POLE: variants seen among roughly 807,000 people sequenced by gnomAD.
POLE encodes the protein DNA polymerase epsilon catalytic subunit A.
In POLE, 188 loss-of-function variants were observed where a neutral mutation model predicts 279.2. The ratio of observed to expected loss-of-function variants is 0.67; its 90% confidence interval spans 0.60 to 0.76. POLE has a LOEUF of 0.76. POLE is among the 30% of genes least tolerant of loss of function. The probability of loss-of-function intolerance (pLI) is 0.00; values close to 1 mark genes in which losing one functional copy is unlikely to be tolerated. For missense variants in POLE, 2,703 were observed against 3,016.7 expected, an observed-to-expected ratio of 0.90 and a Z score of 2.44; for synonymous variants, 1,214 against 1,172.5, an observed-to-expected ratio of 1.04 and a Z score of -0.72.
At chr12:132,673,843 C>T in intron 12 of POLE, 136 bp from the exon 13 acceptor site, 1 of 930,774 alleles carries the variant, frequency 1.1e-6, no homozygotes, top group Non-Finnish European at 1.7e-6. Context: ...CACCAAGGCC[C>T]CACATGGTGT....
rs2138559624 is a variant in POLE at position 132,643,884 on chromosome 12, T to G, written c.4243A>C (p.Asn1415His). The G allele has an allele frequency of 2.5e-6, 4 of 1,614,164 alleles. No homozygotes were observed. In the East Asian group the frequency reaches 8.9e-5, roughly 36 times the overall value. ...DMYQEHINEINAELSAPDIEG... is the reference protein window; with the variant it reads ...DMYQEHINEIHAELSAPDIEG... The stretch of plus-strand genomic sequence containing the variant: ...ATGTCTGGCGCTGACAGCTCAGCGT[T>G]GATCTCGTTGATGTGTTCCTGGTAC... Residue 1415 changes from asparagine to histidine, a missense_variant, in exon 33 of 49, where the codon AAC (asparagine) becomes CAC (histidine). By Grantham distance (68) the Asn-to-His change is moderately conservative. Coordinates refer to ENST00000320574, the MANE Select transcript of POLE (RefSeq NM_006231.4).
Position 132,667,416 on chromosome 12 carries a change from C to G in POLE, c.2319+87G>C. On this transcript the variant is annotated intron_variant, in intron 20 of 48. Coordinates refer to ENST00000320574, the MANE Select transcript of POLE (RefSeq NM_006231.4). The stretch of plus-strand genomic sequence containing the variant: ...AGTGCAAGTGCCTGCTCAGAGGATC[C>G]CAGGCAAGGAGCCAAGAGTGCCCAC... 6 of 1,397,184 alleles carry G rather than the reference C, an allele frequency of 4.3e-6. No homozygotes were observed. The South Asian group carries it at 7.3e-5, about 17-fold the overall frequency. 86.5% of individuals were successfully genotyped at this position (1,397,184 alleles called of 1,614,324 possible). A position where few individuals can be genotyped will look rare whatever the true frequency, so the allele number is the denominator to read the frequency against.
rs769881769 is a variant in POLE, at chr12:132,643,847, T to C, written c.4280A>G (p.Tyr1427Cys). 2 of 1,614,080 alleles carry C rather than the reference T, an allele frequency of 1.2e-6. No individual in the cohort carries two copies. The highest frequency in any genetic ancestry group is 1.3e-5 in the African/African-American group (1 of 75,056). Residue 1427 changes from tyrosine (Y) to cysteine (C), a missense_variant, in exon 33 of 49, where the codon TAT (tyrosine) becomes TGT (cysteine). Physicochemically the swap from Tyr to Cys is radical, Grantham distance 194. This residue lies in a region of POLE where 1,551 missense variants were observed against 1,686.1 expected (regional missense o/e 0.92). Coordinates refer to ENST00000320574, the MANE Select transcript of POLE (RefSeq NM_006231.4). The part of the protein sequence containing the change: ...ELSAPDIEGV[Y>C]ETQVPLLFRA... ...TGGCTGGGGAGTCACCTGAGTCTCA[T>C]ATACGCCCTCGATGTCTGGCGCTGA...
At chr12:132,681,528 A>G (rs1206863920) in intron 1 of POLE, among the ~76,000 whole-genome samples, 1 of 152,070 alleles carries the variant, frequency 6.6e-6, no homozygotes, top group African/African-American at 2.4e-5. Flanking sequence ...TATTTTTAGT[A>G]GAGACGGGGT....
chr12:132,669,413 C>G (rs2042873544), intron 16 of POLE, among the ~76,000 whole-genome samples: 1 of 151,580 alleles, frequency 6.6e-6, no homozygotes, highest in Non-Finnish European at 1.5e-5. Flanking sequence ...GTAGTGAGCC[C>G]AGATTGCACC....
chr12:132,668,453 T>C lies in POLE; in HGVS notation c.2076A>G (p.Ser692=), dbSNP rs1015632205. 1 of 1,612,076 alleles carries C rather than the reference T, an allele frequency of 6.2e-7. No homozygotes were observed. Among genetic ancestry groups the C allele is most frequent in the African/African-American group, 1.3e-5 (1 of 74,884 alleles). ...EYHRIQHQLE[S]EKFPPLFPEG... ...CTGGGAACAAGGGGGGGAACTTCTC[T>C]GACTCCAGCTGGTGCTGGATCCGAT... Residue 692 remains serine (S), a synonymous_variant, in exon 19 of 49, where the codon TCA becomes TCG. Transcript: ENST00000320574. This position sits in a 1 kb window ranked among gnomAD's most constrained non-coding sequence, Gnocchi z 4.0.
In POLE at chr12:132,668,357, C is replaced by T. The variant is rs372240734; in HGVS notation, c.2172G>A (p.Ala724=). The change falls in exon 19 of 49, where the codon GCG becomes GCA. Residue 724 remains alanine, a splice_region_variant and synonymous_variant. Coordinates refer to ENST00000320574, the MANE Select transcript of POLE (RefSeq NM_006231.4). The surrounding 1 kb of genome is among the most constrained non-coding windows in gnomAD (Gnocchi z 4.0). ...EQAKYEKRRL[A]DYCRKAYKKI... is the part of the protein sequence containing the mutation. Reference sequence around the variant, plus strand: ...CCGTGACCATGCCCAGGCACTCACCCGCCAGCCTTCTCTTCTCGTATTTCG... The same window carrying T: ...CCGTGACCATGCCCAGGCACTCACCTGCCAGCCTTCTCTTCTCGTATTTCG... 26 of 1,568,268 alleles carry T rather than the reference C, an allele frequency of 1.7e-5. No homozygotes were observed. The African/African-American group carries it at 2.0e-4, about 12-fold the overall frequency.
intron 19 of POLE, 71 bp from the exon 20 acceptor site, chr12:132,667,719 G>A (rs2135972034): frequency 2.6e-6 from 4 of 1,516,826 alleles, no homozygotes; most frequent in Admixed American, 3.4e-5. Flanking sequence ...GGGCACAGGG[G>A]TGCTGAAGAA....
intron 29 of POLE, among the ~76,000 whole-genome samples, chr12:132,656,569 A>G (rs2042544582): frequency 6.6e-6 from 1 of 152,130 alleles, no homozygotes; most frequent in Admixed American, 6.5e-5. Context: ...TGTGTTAGCC[A>G]GGATTGTCTC....
chr12:132,627,215 G>C (rs984306995), intron 45 of POLE, among the ~76,000 whole-genome samples: 1 of 152,016 alleles, frequency 6.6e-6, no homozygotes, highest in Non-Finnish European at 1.5e-5. Context: ...CCAGGAGGTG[G>C]AGGTTGCAGT....
At chr12:132,659,736 A>T in intron 25 of POLE, 1 of 517,534 alleles carries the variant, frequency 1.9e-6, no homozygotes, top group South Asian at 2.1e-5. Context: ...TCTGTCACCC[A>T]GGCTGGAGTG....
At chr12:132,686,437 G>C (rs1306168805) in intron 1 of POLE, among the ~76,000 whole-genome samples, 1 of 151,838 alleles carries the variant, frequency 6.6e-6, no homozygotes, top group Non-Finnish European at 1.5e-5. Context: ...AATTTTTCTT[G>C]TTTTTACAAG....
chr12:132,659,871 T>C (rs1283766364), intron 25 of POLE: 1 of 238,292 alleles, frequency 4.2e-6, no homozygotes, highest in Non-Finnish European at 8.3e-6. Context: ...TTTGTATTTT[T>C]AGTAGAGAAA....
At position 132,676,081 on chromosome 12, in the gene POLE, G is replaced by A. The variant is rs762383176; in HGVS notation, c.1020+13C>T. 1.9e-6 allele frequency: 3 copies of A among 1,546,880 alleles called. No individual in the cohort carries two copies. The South Asian group carries it at 3.4e-5, about 18-fold the overall frequency. On this transcript the variant is annotated intron_variant, in intron 10 of 48. Transcript: ENST00000320574. Reference sequence around the variant, plus strand: ...CACAATACCGGGTAGTTTCCCAAGTGATACCTCCTTACCTCATCGGGTTCA... The same window carrying A: ...CACAATACCGGGTAGTTTCCCAAGTAATACCTCCTTACCTCATCGGGTTCA...
At position 132,624,598 on chromosome 12, in the gene POLE, T is replaced by G; in HGVS notation, c.*99A>C. The G allele has an allele frequency of 1.3e-6, 1 of 786,430 alleles. No homozygotes were observed. Among genetic ancestry groups the G allele is most frequent in the South Asian group, 1.4e-5 (1 of 73,106 alleles). The allele number at this position is 786,430 out of a possible 1,614,324, so 48.7% of individuals were successfully genotyped here. A position where few individuals can be genotyped will look rare whatever the true frequency, so the allele number is the denominator to read the frequency against. On this transcript the variant is annotated 3_prime_UTR_variant, in exon 49 of 49. Coordinates refer to ENST00000320574, the MANE Select transcript of POLE (RefSeq NM_006231.4). ...GGCCTGGGGTCACAGGTTTGGACAG[T>G]CAGGGTGGTCAGTGGTCTGGTCACT...
chr12:132,634,143 G>T lies in POLE; in HGVS notation c.6004+43C>A. ...CAGGAGCCACATCTACTAACCATGA[G>T]TCCCTTCAGTGGGGGCTGCGCAGCC... On this transcript the variant is annotated intron_variant, in intron 43 of 48. Coordinates refer to ENST00000320574, the MANE Select transcript of POLE (RefSeq NM_006231.4). The surrounding 1 kb of genome is among the most constrained non-coding windows in gnomAD (Gnocchi z 4.0). 1 of 1,522,658 alleles carries T rather than the reference G, an allele frequency of 6.6e-7. No individual in the cohort carries two copies. Among genetic ancestry groups the T allele is most frequent in the Non-Finnish European group, 9.0e-7 (1 of 1,113,310 alleles). 94.3% of individuals were successfully genotyped at this position (1,522,658 alleles called of 1,614,324 possible).
In POLE at chr12:132,625,692, C is replaced by G. The variant is rs1060500871; in HGVS notation, c.6610G>C (p.Val2204Leu). 1 of 1,613,842 alleles carries G rather than the reference C, an allele frequency of 6.2e-7. No individual in the cohort carries two copies. Among genetic ancestry groups the G allele is most frequent in the Non-Finnish European group, 8.5e-7 (1 of 1,180,046 alleles). Residue 2204 changes from valine (V) to leucine (L), a missense_variant, in exon 47 of 49, where the codon GTG (valine) becomes CTG (leucine). Val to Leu is a conservative substitution (Grantham distance 32, BLOSUM62 1). Coordinates refer to ENST00000320574, the MANE Select transcript of POLE (RefSeq NM_006231.4). ...ATCAGCTTCTTCTGTAGAACTTCCA[C>G]CAGCGTCATCTCGATGGCAGAGGAG... ...YDSSAIEMTL[V>L]EVLQKKLMAF...
chr12:132,654,238 T>G (rs1194747059), intron 29 of POLE, among the ~76,000 whole-genome samples: 2 of 151,476 alleles, frequency 1.3e-5, no homozygotes, highest in South Asian at 2.1e-4. Context: ...TTTCGTCTCT[T>G]TTTTTTTTCT....
chr12:132,650,327 A>T, intron 29 of POLE: 1 of 181,146 alleles, frequency 5.5e-6, no homozygotes, highest in Non-Finnish European at 1.2e-5. Context: ...AACCTTTAAT[A>T]GTGAAGGCCG....
Sources: gnomAD v4.1 joint callset for allele counts (sites outside exome capture counted in the v4.1 genomes callset) on GRCh38, gnomAD v4.1.1 for gene constraint, gnomAD v4.1.1 regional missense constraint, Gnocchi (gnomAD v3.1) non-coding constraint, MANE v1.5 for transcripts, NCBI Gene and HGNC (gene_info 2026-07-23, HGNC 2026-07-21) for gene names.